The following ACCSL variants were observed in gnomAD, a reference collection of about 807,000 sequenced individuals.
ACCSL encodes the protein 1-aminocyclopropane-1-carboxylate synthase homolog (inactive) like, also known as probable inactive 1-aminocyclopropane-1-carboxylate synthase-like protein 2.
ACCSL carries 55 observed loss-of-function variants against 61.7 expected under a neutral mutation model. That is an observed-to-expected ratio of 0.89 (90% CI 0.72 to 1.12). The LOEUF (loss-of-function observed/expected upper bound fraction) is 1.12, where lower values mean the gene tolerates loss of function less well. Among genes scored for constraint, ACCSL ranks in the 50% most tolerant of loss-of-function variants. The pLI, the probability that ACCSL is intolerant of heterozygous loss-of-function variation, is 0.00. For synonymous variants in ACCSL, 258 were observed against 264.3 expected, an observed-to-expected ratio of 0.98 and a Z score of 0.23; for missense variants, 632 against 698.0, an observed-to-expected ratio of 0.91 and a Z score of 1.07.
chr11:44,052,633 C>CT, intron 5 of ACCSL, 29 bp from the exon 6 acceptor site: 1 of 1,593,122 alleles, frequency 6.3e-7, no homozygotes, highest in Non-Finnish European at 8.6e-7. Context: ...AGACTTTGGA[C>CT]TGATAGCTCT....
the ACCSL span, among the ~76,000 whole-genome samples, chr11:44,015,856 A>G: frequency 6.6e-6 from 1 of 152,204 alleles, no homozygotes; most frequent in African/African-American, 2.4e-5. Flanking sequence ...GGGCAATCAC[A>G]CTAATTTCTA....
the ACCSL span, among the ~76,000 whole-genome samples, chr11:44,031,987 G>A: frequency 6.6e-6 from 1 of 152,202 alleles, no homozygotes; most frequent in Non-Finnish European, 1.5e-5. Context: ...CTCAGAGTCA[G>A]CATCGGTGAA....
chr11:44,041,571 A>G, the ACCSL span, among the ~76,000 whole-genome samples: 1 of 152,226 alleles, frequency 6.6e-6, no homozygotes, highest in African/African-American at 2.4e-5. Flanking sequence ...TTATAAAAAC[A>G]TGAGATGGGC....
chr11:43,923,290 T>C, the ACCSL span, among the ~76,000 whole-genome samples: 2 of 152,228 alleles, frequency 1.3e-5, no homozygotes, highest in East Asian at 3.8e-4. Flanking sequence ...TGGCAGCTAT[T>C]ACTTGGCTGC....
the ACCSL span, among the ~76,000 whole-genome samples, chr11:43,953,399 T>C: frequency 1.3e-5 from 2 of 151,412 alleles, no homozygotes; most frequent in Non-Finnish European, 2.9e-5. Flanking sequence ...TGGGTGCCTG[T>C]AATCCCAGCT....
At chr11:43,962,642 C>T in the ACCSL span, among the ~76,000 whole-genome samples, 6 of 152,188 alleles carry the variant, frequency 3.9e-5, no homozygotes, top group African/African-American at 1.4e-4. Context: ...TATTATTCAA[C>T]ATTTCTCAAA....
the ACCSL span, among the ~76,000 whole-genome samples, chr11:43,953,382 C>T: frequency 6.8e-3 from 1,006 of 147,072 alleles, 11 homozygotes; most frequent in African/African-American, 0.024. Context: ...ATTGGCCAGG[C>T]GTGTGGTGGG....
the ACCSL span, among the ~76,000 whole-genome samples, chr11:44,041,247 G>A: frequency 5.9e-5 from 9 of 152,262 alleles, no homozygotes; most frequent in East Asian, 9.6e-4. Flanking sequence ...GTCCTTAACC[G>A]TGTCATCTGA....
the ACCSL span, among the ~76,000 whole-genome samples, chr11:43,998,901 A>T: frequency 1.3e-5 from 2 of 152,130 alleles, no homozygotes; most frequent in Non-Finnish European, 2.9e-5. Flanking sequence ...CTGAGACTAC[A>T]GGCATGCACC....
chr11:44,009,250 C>T, the ACCSL span, among the ~76,000 whole-genome samples: 7 of 152,090 alleles, frequency 4.6e-5, no homozygotes, highest in Non-Finnish European at 1.0e-4. Context: ...GGAGCGATTG[C>T]GGTATCAGGG....
chr11:44,004,194 G>C, the ACCSL span, among the ~76,000 whole-genome samples: 9 of 152,098 alleles, frequency 5.9e-5, no homozygotes, highest in Admixed American at 2.6e-4. Context: ...GAGGTGAAGG[G>C]GGGGGATGTG....
At chr11:43,953,752 A>G in the ACCSL span, among the ~76,000 whole-genome samples, 4 of 152,152 alleles carry the variant, frequency 2.6e-5, no homozygotes, top group East Asian at 7.7e-4. Flanking sequence ...GAACTCTGAG[A>G]ATTGCCCACT....
chr11:44,050,587 C>G lies in ACCSL; in HGVS notation c.600C>G (p.Thr200=). ...QESDMNCIED[T]LLQYPDWRGQ... ...GTGACATGAACTGCATTGAGGACAC[C>G]TTGCTTCAGTACCCTGATTGGAGAG... The change falls in exon 3 of 14, where the codon ACC becomes ACG. Residue 200 remains threonine (T), a synonymous_variant. Coordinates refer to ENST00000378832, the MANE Select transcript of ACCSL (RefSeq NM_001031854.2). 3 of 1,614,100 alleles carry G rather than the reference C, an allele frequency of 1.9e-6. No individual in the cohort carries two copies. Among genetic ancestry groups the G allele is most frequent in the East Asian group, 2.2e-5 (1 of 44,876 alleles).
the ACCSL span, among the ~76,000 whole-genome samples, chr11:43,937,203 T>G: frequency 6.6e-6 from 1 of 152,186 alleles, no homozygotes; most frequent in Non-Finnish European, 1.5e-5. Flanking sequence ...GACCTCTGCA[T>G]GCCAGCTCTG....
chr11:44,052,381 C>T (rs533610159), intron 5 of ACCSL, among the ~76,000 whole-genome samples: 2 of 152,328 alleles, frequency 1.3e-5, no homozygotes, highest in African/African-American at 2.4e-5. Context: ...TAGTGAGCCT[C>T]GCTTGACTTG....
At chr11:44,045,562 C>T (rs1272325433), upstream of ACCSL, among the ~76,000 whole-genome samples, 1 of 152,180 alleles carries the variant, frequency 6.6e-6, no homozygotes, top group Admixed American at 6.5e-5. Flanking sequence ...GGTTCTCATT[C>T]AAACTACTTT....
intron 5 of ACCSL, among the ~76,000 whole-genome samples, 191 bp from the exon 6 acceptor site, chr11:44,052,471 G>A (rs148200271): frequency 6.6e-6 from 1 of 152,188 alleles, no homozygotes; most frequent in Non-Finnish European, 1.5e-5. Flanking sequence ...CTAGAGTTTT[G>A]TTTCCCCCAG....
the ACCSL span, among the ~76,000 whole-genome samples, chr11:43,981,873 A>G: frequency 1.3e-5 from 2 of 152,158 alleles, no homozygotes; most frequent in African/African-American, 4.8e-5. Flanking sequence ...GGGCAACTTC[A>G]CAGACTCCTT....
chr11:43,926,802 G>A, the ACCSL span, among the ~76,000 whole-genome samples: 184 of 152,244 alleles, frequency 1.2e-3, 1 homozygote, highest in African/African-American at 4.3e-3. Context: ...CAGGTTGGAG[G>A]GCAGTGGTGC....
Sources: allele counts gnomAD v4.1 joint callset (sites outside exome capture counted in the v4.1 genomes callset), GRCh38; gene constraint gnomAD v4.1.1; transcripts MANE v1.5; gene names NCBI Gene and HGNC (gene_info 2026-07-23, HGNC 2026-07-21).